Variants in HTR7 observed in about 807,000 individuals in gnomAD.
The protein encoded by HTR7 is 5-HT-7.
Under a neutral mutation model 34.0 loss-of-function variants are expected in HTR7, and 16 were observed. The observed-to-expected ratio is 0.47, with a 90% confidence interval of 0.32 to 0.71. The LOEUF (loss-of-function observed/expected upper bound fraction) is 0.71. HTR7 is among the 30% of genes least tolerant of loss of function. The pLI is 0.04. For synonymous variants in HTR7, 265 were observed against 260.2 expected (o/e 1.02, Z -0.18); for missense variants, 504 against 625.5 (o/e 0.81, Z 2.07).
intron 1 of HTR7, among the ~76,000 whole-genome samples, chr10:90,777,126 G>A (rs187147506): frequency 5.3e-5 from 8 of 152,232 alleles, no homozygotes; most frequent in African/African-American, 1.9e-4. Flanking sequence ...TACTGTCAAC[G>A]ACCCAAAGGA....
chr10:90,755,124 A>T (rs757961483), intron 1 of HTR7, among the ~76,000 whole-genome samples: 2 of 152,176 alleles, frequency 1.3e-5, no homozygotes, highest in Non-Finnish European at 2.9e-5. Context: ...GCCTTCTCCC[A>T]TTCAATTACA....
chr10:90,816,574 C>T (rs757366489), intron 1 of HTR7, among the ~76,000 whole-genome samples: 1 of 152,204 alleles, frequency 6.6e-6, no homozygotes, highest in Admixed American at 6.5e-5. Flanking sequence ...ATAAGTTCCT[C>T]TTCCATTCTG....
chr10:90,762,032 T>C (rs145206714), intron 1 of HTR7, among the ~76,000 whole-genome samples: 2 of 152,348 alleles, frequency 1.3e-5, no homozygotes, highest in African/African-American at 4.8e-5. Context: ...CACTCATCCC[T>C]TGACAGACAC....
intron 1 of HTR7, among the ~76,000 whole-genome samples, chr10:90,845,251 G>C (rs1047651612): frequency 6.6e-6 from 1 of 152,240 alleles, no homozygotes; most frequent in Non-Finnish European, 1.5e-5. Context: ...TTCTGATGTA[G>C]TGTTGAAAAG....
intron 1 of HTR7, among the ~76,000 whole-genome samples, chr10:90,788,203 G>A (rs2119870539): frequency 6.6e-6 from 1 of 152,208 alleles, no homozygotes; most frequent in Middle Eastern, 3.4e-3. Flanking sequence ...TCATGTAGGT[G>A]CTTTGCCATC....
In HTR7 at chr10:90,743,685, G is replaced by A. The variant is rs1390423075; in HGVS notation, c.1301C>T (p.Ala434Val). ...RPERPEFVLR[A>V]CTRRVLLRPE... ...TCTCAACAGCACCCTCCTTGTGCAG[G>A]CCCTCCTGCAATTTATGGCAATTCA... is the stretch of plus-strand genomic sequence containing the variant. The change falls in exon 3 of 4, where the codon GCC becomes GTC. Residue 434 changes from alanine to valine, a missense_variant. This residue lies in a region of HTR7 where 154 missense variants were observed against 212.1 expected (regional missense o/e 0.73). Transcript: ENST00000336152. 1 of 1,612,472 alleles carries A rather than the reference G, an allele frequency of 6.2e-7. No individual in the cohort carries two copies. Among genetic ancestry groups the A allele is most frequent in the South Asian group, 1.1e-5 (1 of 91,034 alleles).
chr10:90,820,871 T>G (rs1171514861), intron 1 of HTR7, among the ~76,000 whole-genome samples: 1 of 152,230 alleles, frequency 6.6e-6, no homozygotes, highest in Admixed American at 6.5e-5. Context: ...TTACAACTTA[T>G]TTTTAAAAAG....
chr10:90,844,726 C>CAAAAA (rs71025328), intron 1 of HTR7, among the ~76,000 whole-genome samples: 3 of 39,506 alleles, frequency 7.6e-5, no homozygotes, highest in Non-Finnish European at 1.0e-4. Context: ...GACTCCGTCT[C>CAAAAA]AAAAAAAAAA....
chr10:90,809,795 G>A (rs533987373), intron 1 of HTR7, among the ~76,000 whole-genome samples: 6 of 152,270 alleles, frequency 3.9e-5, no homozygotes, highest in East Asian at 1.9e-4. Flanking sequence ...ACTGGAAATC[G>A]GACTGTCCAA....
chr10:90,809,559 A>G (rs1382991523), intron 1 of HTR7, among the ~76,000 whole-genome samples: 2 of 152,198 alleles, frequency 1.3e-5, no homozygotes, highest in Non-Finnish European at 2.9e-5. Context: ...CAAGGTGTAC[A>G]ATAATAGAAA....
At chr10:90,794,621 C>G (rs1845510432) in intron 1 of HTR7, among the ~76,000 whole-genome samples, 1 of 152,112 alleles carries the variant, frequency 6.6e-6, no homozygotes, top group African/African-American at 2.4e-5. Context: ...TCACCTCAGC[C>G]TCCCAAGTAA....
chr10:90,792,968 A>G (rs953186855), intron 1 of HTR7, among the ~76,000 whole-genome samples: 4 of 152,158 alleles, frequency 2.6e-5, no homozygotes, highest in Non-Finnish European at 5.9e-5. Context: ...AACATAAAGA[A>G]AAGCTTCATA....
intron 1 of HTR7, among the ~76,000 whole-genome samples, chr10:90,821,852 A>ACT (rs148670223): frequency 2.7e-4 from 41 of 149,708 alleles, no homozygotes; most frequent in Admixed American, 1.4e-3. Flanking sequence ...CTCCCCCTTC[A>ACT]CTCTCTCTCT....
intron 1 of HTR7, among the ~76,000 whole-genome samples, chr10:90,766,293 T>C (rs1845023268): frequency 6.6e-6 from 1 of 152,206 alleles, no homozygotes; most frequent in Admixed American, 6.5e-5. Flanking sequence ...CTCTTGTGAT[T>C]GTTTTGGCAT....
chr10:90,837,240 C>T, intron 1 of HTR7, among the ~76,000 whole-genome samples: 1 of 152,322 alleles, frequency 6.6e-6, no homozygotes, highest in South Asian at 2.1e-4. Context: ...TCCATTCATT[C>T]AACTAAAATG....
chr10:90,845,855 C>T (rs1297645454), intron 1 of HTR7, among the ~76,000 whole-genome samples: 1 of 152,250 alleles, frequency 6.6e-6, no homozygotes, highest in Admixed American at 6.5e-5. Flanking sequence ...GGACCCTTCA[C>T]TCCGTGATCT....
At chr10:90,827,653 T>C (rs1846098807) in intron 1 of HTR7, among the ~76,000 whole-genome samples, 3 of 152,152 alleles carry the variant, frequency 2.0e-5, no homozygotes, top group Admixed American at 2.0e-4. Context: ...TGTATAATGA[T>C]AAAAGGGTCA....
At chr10:90,766,537 T>A (rs1179458465) in intron 1 of HTR7, among the ~76,000 whole-genome samples, 3 of 152,208 alleles carry the variant, frequency 2.0e-5, no homozygotes, top group Non-Finnish European at 4.4e-5. Context: ...AAATTACATA[T>A]TGATAGGTAA....
rs182034593 is a variant in HTR7, at chr10:90,851,757, A to G, written c.539+5376T>C. On this transcript the variant is annotated intron_variant, in intron 1 of 3. Transcript: ENST00000336152. ...CACCTTGAATTGTAATAATCCCCAC[A>G]TGTCAAGGGCAGAGCCAGGTGGAGA... is the stretch of plus-strand genomic sequence containing the variant. Among the ~76,000 whole-genome samples, 14 of 152,258 alleles carry G rather than the reference A, an allele frequency of 9.2e-5. No individual in the cohort carries two copies. The East Asian group carries it at 1.5e-3, about 17-fold the overall frequency.
Sources: allele counts gnomAD v4.1 joint callset (sites outside exome capture counted in the v4.1 genomes callset), GRCh38; gene constraint gnomAD v4.1.1; regional missense constraint gnomAD v4.1.1; transcripts MANE v1.5; gene names NCBI Gene and HGNC (gene_info 2026-07-23, HGNC 2026-07-21).